Variants in PSD3 observed in about 807,000 individuals in gnomAD.
PSD3 encodes the protein PH and SEC7 domain-containing protein 3.
PSD3 carries 49 observed loss-of-function variants against 105.5 expected under a neutral mutation model. The ratio of observed to expected loss-of-function variants is 0.46; its 90% CI spans 0.37 to 0.59. The LOEUF is 0.59. Ranked by LOEUF, PSD3 falls within the 20% of genes least tolerant of loss-of-function variation. The probability of loss-of-function intolerance (pLI) is 0.00; values close to 1 mark genes in which losing one functional copy is unlikely to be tolerated. For missense variants in PSD3, 1,561 were observed against 1,263.8 expected (o/e 1.24, Z -3.57); for synonymous variants, 557 against 457.8 (o/e 1.22, Z -2.77).
intron 4 of PSD3, among the ~76,000 whole-genome samples, chr8:18,834,093 T>C (rs1394401373): frequency 2.0e-5 from 3 of 152,176 alleles, no homozygotes; most frequent in African/African-American, 2.4e-5. Flanking sequence ...GCAATAAACA[T>C]TGTAAAGATG....
intron 11 of PSD3, among the ~76,000 whole-genome samples, chr8:18,632,359 C>T (rs1806964311): frequency 6.6e-6 from 1 of 151,984 alleles, no homozygotes; most frequent in Admixed American, 6.6e-5. Context: ...GAAGCCATGA[C>T]TAAATAAATG....
In PSD3 at chr8:18,542,063, C is replaced by A. The variant is rs1009467339; in HGVS notation, c.2929-6105G>T. 6.6e-5 allele frequency among the ~76,000 whole-genome samples: 10 copies of A among 152,144 alleles called. No homozygotes were observed. The East Asian group carries it at 1.9e-3, about 30-fold the overall frequency. ...CCACCTCATTCGGCCCTGAGAATCT[C>A]TTACGTAGTAGTACATGAAAAATAG... On this transcript the variant is annotated intron_variant, in intron 15 of 15. Coordinates refer to ENST00000327040, the MANE Select transcript of PSD3 (RefSeq NM_015310.4).
chr8:18,622,351 G>T (rs992817180), intron 11 of PSD3, among the ~76,000 whole-genome samples: 1 of 151,958 alleles, frequency 6.6e-6, no homozygotes, highest in South Asian at 2.1e-4. Context: ...TTACTTCTCC[G>T]AGTCGTTAAG....
At chr8:18,711,171 C>G (rs1409734986) in intron 9 of PSD3, among the ~76,000 whole-genome samples, 5 of 152,116 alleles carry the variant, frequency 3.3e-5, no homozygotes, top group Admixed American at 3.3e-4. Context: ...TGGTTACCAG[C>G]CACTACAAAA....
intron 1 of PSD3, among the ~76,000 whole-genome samples, chr8:18,955,250 G>A (rs1446561940): frequency 6.6e-6 from 1 of 152,018 alleles, no homozygotes; most frequent in East Asian, 1.9e-4. Flanking sequence ...CGTCTCTTTT[G>A]TGTTTTTAGA....
At chr8:18,881,232 T>A (rs1237261652) in intron 2 of PSD3, among the ~76,000 whole-genome samples, 2 of 152,192 alleles carry the variant, frequency 1.3e-5, no homozygotes, top group African/African-American at 4.8e-5. Flanking sequence ...ATGAGATACA[T>A]TTGAATGTTA....
chr8:18,719,524 A>G (rs1031983190), intron 9 of PSD3, among the ~76,000 whole-genome samples: 3 of 152,200 alleles, frequency 2.0e-5, no homozygotes, highest in South Asian at 2.1e-4. Flanking sequence ...CTGTATCAAA[A>G]CAGATACTAT....
intron 13 of PSD3, 95 bp from the exon 14 acceptor site, chr8:18,572,767 G>T: frequency 7.2e-7 from 1 of 1,384,390 alleles, no homozygotes; most frequent in Non-Finnish European, 9.9e-7. Context: ...AATGGCATGT[G>T]AAAATCATTT....
chr8:18,781,455 A>G (rs1454251782), intron 8 of PSD3, among the ~76,000 whole-genome samples: 1 of 152,172 alleles, frequency 6.6e-6, no homozygotes, highest in Admixed American at 6.5e-5. Flanking sequence ...TGTTTCTAAG[A>G]AACTGAATTT....
At chr8:19,028,755 T>C (rs951903626) in intron 1 of PSD3, among the ~76,000 whole-genome samples, 1 of 152,178 alleles carries the variant, frequency 6.6e-6, no homozygotes, top group Non-Finnish European at 1.5e-5. Context: ...TATCTTTCCC[T>C]AATGTCATGC....
chr8:19,016,141 A>C (rs1164691259), upstream of PSD3, among the ~76,000 whole-genome samples: 3 of 152,230 alleles, frequency 2.0e-5, no homozygotes, highest in Non-Finnish European at 2.9e-5. Context: ...AAATGAAGTA[A>C]GAATCCCCAT....
chr8:18,895,728 A>G (rs142269802), intron 2 of PSD3, among the ~76,000 whole-genome samples: 4 of 152,368 alleles, frequency 2.6e-5, no homozygotes, highest in African/African-American at 9.6e-5. Context: ...CCACACACAT[A>G]TATGATGTGA....
chr8:18,860,103 T>A (rs1816326392), intron 4 of PSD3, among the ~76,000 whole-genome samples: 1 of 152,104 alleles, frequency 6.6e-6, no homozygotes, highest in African/African-American at 2.4e-5. Flanking sequence ...CATTGCAGGG[T>A]TATTAACTGG....
intron 4 of PSD3, chr8:18,808,750 C>T (rs952562429): frequency 2.5e-6 from 4 of 1,614,046 alleles, no homozygotes; most frequent in Non-Finnish European, 3.4e-6. Flanking sequence ...GCAATATAAA[C>T]TTACCAGCAA....
At chr8:18,678,909 A>C (rs1389983659) in intron 9 of PSD3, among the ~76,000 whole-genome samples, 4 of 152,222 alleles carry the variant, frequency 2.6e-5, no homozygotes, top group African/African-American at 4.8e-5. Flanking sequence ...TGAATGTTCA[A>C]ACTCTTGAAA....
intron 4 of PSD3, among the ~76,000 whole-genome samples, chr8:18,815,428 A>G (rs1419824450): frequency 6.6e-6 from 1 of 151,610 alleles, no homozygotes; most frequent in Non-Finnish European, 1.5e-5. Flanking sequence ...CCTGCCTCAG[A>G]CTCCCGAGTA....
intron 8 of PSD3, among the ~76,000 whole-genome samples, chr8:18,779,041 T>C (rs986726398): frequency 2.0e-5 from 3 of 152,076 alleles, no homozygotes; most frequent in Non-Finnish European, 4.4e-5. Context: ...TTAGATCTTC[T>C]TTGTAAGTTT....
intron 1 of PSD3, among the ~76,000 whole-genome samples, chr8:19,049,967 T>C (rs961962836): frequency 2.6e-5 from 4 of 152,282 alleles, no homozygotes; most frequent in African/African-American, 9.6e-5. Context: ...AAATTCCTAG[T>C]TCCAACCACT....
chr8:18,992,898 A>G (rs2129473647), intron 1 of PSD3, among the ~76,000 whole-genome samples: 1 of 152,266 alleles, frequency 6.6e-6, no homozygotes, highest in East Asian at 1.9e-4. Context: ...ATTAATCACA[A>G]TCTCCAACTT....
Sources: allele counts gnomAD v4.1 joint callset (sites outside exome capture counted in the v4.1 genomes callset), GRCh38; gene constraint gnomAD v4.1.1; transcripts MANE v1.5; gene names NCBI Gene and HGNC (gene_info 2026-07-23, HGNC 2026-07-21).